Variants in RASA2 observed in about 807,000 individuals in gnomAD.
RASA2 encodes ras GTPase-activating protein 2.
RASA2 carries 155 observed loss-of-function variants against 118.2 expected under a neutral mutation model. The observed-to-expected ratio is 1.31, with a 90% confidence interval of 1.15 to 1.50. The LOEUF (loss-of-function observed/expected upper bound fraction) is 1.50, where lower values mean the gene tolerates loss of function less well. Ranked by LOEUF, RASA2 falls within the 40% of genes most tolerant of loss-of-function variation. RASA2 has a pLI of 0.00. For missense variants in RASA2, 1,016 were observed against 1,009.6 expected, an observed-to-expected ratio of 1.01 and a Z score of -0.09; for synonymous variants, 353 against 349.1, an observed-to-expected ratio of 1.01 and a Z score of -0.12.
chr3:141,520,339 T>C lies in RASA2; in HGVS notation c.355+3908T>C, dbSNP rs148406416. On this transcript the variant is annotated intron_variant, in intron 3 of 23. Transcript: ENST00000286364. The stretch of plus-strand genomic sequence containing the variant: ...AAGAACAGTTTCAAGGTGACAGGGA[T>C]TGGCAGAAGCAGAGGGGGAAGAATG... Among the ~76,000 whole-genome samples, 219 of 152,150 alleles carry C rather than the reference T, an allele frequency of 1.4e-3. 7 individuals are homozygous for C. The East Asian group carries it at 0.025, about 17-fold the overall frequency.
At chr3:141,586,797 G>A (rs1164168889) in intron 19 of RASA2, 45 bp downstream of exon 19, 1 of 1,492,918 alleles carries the variant, frequency 6.7e-7, no homozygotes, top group Admixed American at 1.7e-5. Flanking sequence ...CTGGTTCTCA[G>A]TGAAGGTTTC....
chr3:141,536,418 T>C (rs1436711710), intron 4 of RASA2, among the ~76,000 whole-genome samples: 1 of 152,142 alleles, frequency 6.6e-6, no homozygotes, highest in Non-Finnish European at 1.5e-5. Context: ...ACAATTCAAG[T>C]TGACATTTGG....
chr3:141,501,794 AAAC>A (rs2081785085), intron 1 of RASA2, among the ~76,000 whole-genome samples: 1 of 152,198 alleles, frequency 6.6e-6, no homozygotes, highest in Non-Finnish European at 1.5e-5. Flanking sequence ...ATTTTACTCT[AAAC>A]TAGTCAATAC....
intron 17 of RASA2, among the ~76,000 whole-genome samples, chr3:141,584,330 CAA>C (rs56396460): frequency 5.8e-4 from 35 of 60,662 alleles, no homozygotes; most frequent in African/African-American, 1.4e-3. Flanking sequence ...AACTCCATCC[CAA>C]AAAAAAAAAA....
intron 16 of RASA2, among the ~76,000 whole-genome samples, chr3:141,580,868 C>T (rs914409246): frequency 6.6e-6 from 1 of 150,608 alleles, no homozygotes; most frequent in Non-Finnish European, 1.5e-5. Context: ...ATGAAAACTG[C>T]TAAACAAGAC....
chr3:141,588,700 G>A (rs1010544125), intron 19 of RASA2, among the ~76,000 whole-genome samples: 2 of 152,226 alleles, frequency 1.3e-5, no homozygotes, highest in South Asian at 4.1e-4. Context: ...GACTACATGT[G>A]TCCCAGTATA....
intron 1 of RASA2, among the ~76,000 whole-genome samples, chr3:141,493,275 A>C (rs1397470252): frequency 6.6e-6 from 1 of 152,232 alleles, no homozygotes; most frequent in African/African-American, 2.4e-5. Context: ...ACACACTCTT[A>C]ACTGTTCCTT....
intron 3 of RASA2, among the ~76,000 whole-genome samples, chr3:141,520,842 A>C (rs1330583419): frequency 6.6e-6 from 1 of 152,196 alleles, no homozygotes; most frequent in Non-Finnish European, 1.5e-5. Context: ...CAGGAAGACC[A>C]ACAGGTATGC....
rs918039942 is a variant in RASA2, at chr3:141,487,368, G to T, written c.133+152G>T. The T allele has an allele frequency of 1.1e-5, 10 of 937,654 alleles. No homozygotes were observed. The African/African-American group carries it at 1.8e-4, about 16-fold the overall frequency. The allele number at this position is 937,654 out of a possible 1,614,324, so 58.1% of individuals were successfully genotyped here. ...CGGGCGCGGTTGAGGCTGGAAGGGGGTGTGTTGGGGGGCGGCGTCGCCTCG... is the reference window on the plus strand; with the variant it reads ...CGGGCGCGGTTGAGGCTGGAAGGGGTTGTGTTGGGGGGCGGCGTCGCCTCG... On this transcript the variant is annotated intron_variant, in intron 1 of 23. Transcript: ENST00000286364.
intron 23 of RASA2, among the ~76,000 whole-genome samples, chr3:141,610,452 ATTTATATT>A (rs2083629629): frequency 3.7e-5 from 4 of 109,176 alleles, no homozygotes; most frequent in African/African-American, 1.8e-4. Flanking sequence ...TATATTATAT[ATTTATATT>A]TATATATTAT....
At position 141,594,821 on chromosome 3, in the gene RASA2, G is replaced by A. The variant is rs1049407430; in HGVS notation, c.1933+8069G>A. 4.6e-5 allele frequency among the ~76,000 whole-genome samples: 7 copies of A among 151,646 alleles called. No homozygotes were observed. In the East Asian group the frequency reaches 1.2e-3, roughly 25 times the overall value. ...ACCAGATGGAAACTTAGATCTACAAGGAGTAAAGAGCACTGGAAATGGTAA... is the reference window on the plus strand; with the variant it reads ...ACCAGATGGAAACTTAGATCTACAAAGAGTAAAGAGCACTGGAAATGGTAA... On this transcript the variant is annotated intron_variant, in intron 19 of 23. Coordinates refer to ENST00000286364, the MANE Select transcript of RASA2 (RefSeq NM_006506.5).
intron 19 of RASA2, among the ~76,000 whole-genome samples, chr3:141,594,282 T>G (rs879578221): frequency 3.3e-5 from 5 of 151,980 alleles, no homozygotes; most frequent in South Asian, 2.1e-4. Context: ...CAGTGACCCT[T>G]TAGTACAATA....
intron 14 of RASA2, among the ~76,000 whole-genome samples, 169 bp from the exon 15 acceptor site, chr3:141,576,831 G>A (rs73869674): frequency 0.012 from 1,889 of 151,754 alleles, 42 homozygotes; most frequent in African/African-American, 0.043. Context: ...AATCATAGGG[G>A]TTTTCTTTTA....
intron 8 of RASA2, among the ~76,000 whole-genome samples, chr3:141,559,412 T>C (rs956695310): frequency 5.3e-5 from 8 of 152,106 alleles, no homozygotes; most frequent in Non-Finnish European, 1.2e-4. Flanking sequence ...GGGTCTTAAA[T>C]ATCTATGCCC....
chr3:141,607,511 T>C (rs1177764096), intron 19 of RASA2, among the ~76,000 whole-genome samples, 167 bp from the exon 20 acceptor site: 1 of 152,190 alleles, frequency 6.6e-6, no homozygotes, highest in Non-Finnish European at 1.5e-5. Context: ...AAAATTCATC[T>C]GTTCCATGAA....
rs984370654 is a variant in RASA2, at chr3:141,602,168, G to T, written c.1934-5510G>T. Among the ~76,000 whole-genome samples, 4 of 152,160 alleles carry T rather than the reference G, an allele frequency of 2.6e-5. No homozygotes were observed. In the South Asian group the frequency reaches 6.2e-4, roughly 24 times the overall value. On this transcript the variant is annotated intron_variant, in intron 19 of 23. Transcript: ENST00000286364. ...CCCAAGTTATGTGTCACACTTTCCT[G>T]TTTTTTTATATGTCTTACTTTCTTA...
intron 19 of RASA2, among the ~76,000 whole-genome samples, chr3:141,598,885 G>A (rs893796782): frequency 3.9e-5 from 6 of 152,058 alleles, no homozygotes; most frequent in Non-Finnish European, 8.8e-5. Context: ...AGGAGTTCAA[G>A]ACCAGCCTGG....
intron 5 of RASA2, among the ~76,000 whole-genome samples, chr3:141,549,989 T>G (rs1456550582): frequency 6.6e-6 from 1 of 152,148 alleles, no homozygotes; most frequent in Non-Finnish European, 1.5e-5. Context: ...CGAATACTGG[T>G]ACAAATAAAC....
chr3:141,558,184 C>T (rs80157048), intron 7 of RASA2, among the ~76,000 whole-genome samples: 3,403 of 152,220 alleles, frequency 0.022, 135 homozygotes, highest in African/African-American at 0.076. Flanking sequence ...TAGCCCTGTC[C>T]GCCTCTGAGC....
Sources: allele counts gnomAD v4.1 joint callset (sites outside exome capture counted in the v4.1 genomes callset), GRCh38; gene constraint gnomAD v4.1.1; transcripts MANE v1.5; gene names NCBI Gene and HGNC (gene_info 2026-07-23, HGNC 2026-07-21).